The following TMEM74 variants were observed in gnomAD, a reference collection of about 807,000 sequenced individuals.
The protein encoded by TMEM74 is transmembrane protein 74.
In TMEM74, 13 loss-of-function variants were observed where a neutral mutation model predicts 18.1. That is an observed-to-expected ratio of 0.72 (90% CI 0.47 to 1.14). TMEM74 has a LOEUF of 1.14. Ranked by LOEUF, TMEM74 falls within the 50% of genes most tolerant of loss-of-function variation. The pLI is 0.00. For synonymous variants in TMEM74, 159 were observed against 146.6 expected (o/e 1.08, Z -0.61); for missense variants, 372 against 375.9 (o/e 0.99, Z 0.09).
intron 2 of TMEM74, among the ~76,000 whole-genome samples, chr8:108,621,589 G>C (rs1346986041): frequency 2.6e-5 from 4 of 152,160 alleles, no homozygotes; most frequent in African/African-American, 9.6e-5. Context: ...TATGATGGGA[G>C]ACTTGATGGG....
At chr8:108,725,570 T>C (rs1388315494) in intron 1 of TMEM74, among the ~76,000 whole-genome samples, 1 of 152,186 alleles carries the variant, frequency 6.6e-6, no homozygotes, top group Non-Finnish European at 1.5e-5. Flanking sequence ...AGAAAGTATA[T>C]GCATCTTGAG....
chr8:108,737,122 T>C (rs180906197), intron 1 of TMEM74, among the ~76,000 whole-genome samples: 34 of 152,292 alleles, frequency 2.2e-4, no homozygotes, highest in Non-Finnish European at 1.2e-4. Context: ...GGTGAAAATA[T>C]ACTGACCTGA....
chr8:108,745,794 C>A (rs1813843027), intron 1 of TMEM74, among the ~76,000 whole-genome samples: 1 of 152,176 alleles, frequency 6.6e-6, no homozygotes, highest in Non-Finnish European at 1.5e-5. Flanking sequence ...GCGCCGCACC[C>A]TGGGCCTGGT....
At chr8:108,759,546 G>C (rs1436224426) in intron 1 of TMEM74, among the ~76,000 whole-genome samples, 1 of 152,052 alleles carries the variant, frequency 6.6e-6, no homozygotes, top group African/African-American at 2.4e-5. Context: ...CAAAATGAAT[G>C]GGGTAGCTCT....
intron 1 of TMEM74, among the ~76,000 whole-genome samples, chr8:108,672,292 A>G (rs1813011861): frequency 1.3e-5 from 2 of 152,210 alleles, no homozygotes; most frequent in South Asian, 4.1e-4. Flanking sequence ...GGATGGCTTG[A>G]GTCTAGGAAC....
At chr8:108,720,476 A>G (rs1813574788) in intron 1 of TMEM74, among the ~76,000 whole-genome samples, 1 of 152,224 alleles carries the variant, frequency 6.6e-6, no homozygotes, top group African/African-American at 2.4e-5. Context: ...TGCCTTTCTC[A>G]TATCAGTATA....
intron 2 of TMEM74, among the ~76,000 whole-genome samples, chr8:108,647,350 G>A (rs1812730220): frequency 6.6e-6 from 1 of 152,084 alleles, no homozygotes; most frequent in African/African-American, 2.4e-5. Flanking sequence ...CAGCATCCTT[G>A]GCAGCAATTT....
chr8:108,785,966 C>T (rs1473711831), intron 1 of TMEM74, among the ~76,000 whole-genome samples: 1 of 152,218 alleles, frequency 6.6e-6, no homozygotes, highest in Admixed American at 6.5e-5. Context: ...TCCACACACA[C>T]ACCTGCCTGC....
chr8:108,702,854 A>C (rs1439401311), intron 1 of TMEM74, among the ~76,000 whole-genome samples: 1 of 151,108 alleles, frequency 6.6e-6, no homozygotes, highest in Non-Finnish European at 1.5e-5. Flanking sequence ...TTTTCTGTGA[A>C]TCTAAAACTA....
chr8:108,646,410 T>A (rs1812720994), intron 2 of TMEM74, among the ~76,000 whole-genome samples: 1 of 152,140 alleles, frequency 6.6e-6, no homozygotes, highest in African/African-American at 2.4e-5. Context: ...CACCTCTCAG[T>A]GTTGTCACCA....
chr8:108,685,979 TA>T, intron 1 of TMEM74, among the ~76,000 whole-genome samples: 1 of 152,198 alleles, frequency 6.6e-6, no homozygotes, highest in African/African-American at 2.4e-5. Context: ...AAAGCCTGAA[TA>T]AAAGCTTTAA....
intron 2 of TMEM74, among the ~76,000 whole-genome samples, chr8:108,622,360 T>G (rs1812452674): frequency 6.6e-6 from 1 of 151,992 alleles, no homozygotes; most frequent in South Asian, 2.1e-4. Context: ...ATTCAAAGAG[T>G]TGAAATAGCT....
chr8:108,773,661 C>A (rs1416522390), intron 1 of TMEM74, among the ~76,000 whole-genome samples: 2 of 152,136 alleles, frequency 1.3e-5, no homozygotes, highest in African/African-American at 4.8e-5. Context: ...TCCCTCTCCT[C>A]AGGGGACCCA....
At chr8:108,659,856 C>T (rs1019025647) in intron 1 of TMEM74, among the ~76,000 whole-genome samples, 9 of 152,050 alleles carry the variant, frequency 5.9e-5, no homozygotes, top group African/African-American at 4.8e-5. Context: ...AAGACCATGC[C>T]GTTCCTGGAC....
At chr8:108,708,986 T>C (rs1252624834) in intron 1 of TMEM74, among the ~76,000 whole-genome samples, 2 of 152,060 alleles carry the variant, frequency 1.3e-5, no homozygotes, top group Non-Finnish European at 2.9e-5. Flanking sequence ...AAGATAGATA[T>C]CATGTCACAC....
chr8:108,758,274 A>G lies in TMEM74; in HGVS notation n.119+29202T>C, dbSNP rs79679798. ...GAATGCTGAAAACTAGTAAGCAAGC[A>G]TATGAACTGAAACTCTGGCATATAC... On this transcript the variant is annotated intron_variant and non_coding_transcript_variant, in intron 1 of 3. Coordinates refer to the TMEM74 transcript ENST00000518838. 1.7e-3 allele frequency among the ~76,000 whole-genome samples: 255 copies of G among 152,186 alleles called. 2 individuals are homozygous for G. The East Asian group carries it at 0.035, about 21-fold the overall frequency.
intron 2 of TMEM74, among the ~76,000 whole-genome samples, chr8:108,618,559 T>C (rs1812408594): frequency 6.6e-6 from 1 of 152,210 alleles, no homozygotes; most frequent in East Asian, 1.9e-4. Flanking sequence ...TGGTTATCAG[T>C]ACACTGGAGT....
chr8:108,743,328 C>G (rs1031065766), intron 1 of TMEM74, among the ~76,000 whole-genome samples: 1 of 152,158 alleles, frequency 6.6e-6, no homozygotes, highest in Admixed American at 6.6e-5. Flanking sequence ...TAGCTCAACT[C>G]TCTCTTTTGT....
intron 1 of TMEM74, among the ~76,000 whole-genome samples, chr8:108,686,782 T>C (rs1813174879): frequency 6.6e-6 from 1 of 152,134 alleles, no homozygotes; most frequent in Admixed American, 6.5e-5. Flanking sequence ...TGGACACTAC[T>C]CAGCCAGTAC....
Sources: gnomAD v4.1 joint callset for allele counts (sites outside exome capture counted in the v4.1 genomes callset) on GRCh38, gnomAD v4.1.1 for gene constraint, MANE v1.5 for transcripts, NCBI Gene and HGNC (gene_info 2026-07-23, HGNC 2026-07-21) for gene names.